The following DOCK8 variants were observed in gnomAD, a reference collection of about 807,000 sequenced individuals.
The protein encoded by DOCK8 is dedicator of cytokinesis protein 8.
In DOCK8, 141 loss-of-function variants were observed where a neutral mutation model predicts 245.6. The ratio of observed to expected loss-of-function variants is 0.57; its 90% CI spans 0.50 to 0.66. DOCK8 has a LOEUF of 0.66. DOCK8 is among the 30% of genes least tolerant of loss of function. The probability of loss-of-function intolerance (pLI) is 0.00; values close to 1 mark genes in which losing one functional copy is unlikely to be tolerated. For synonymous variants in DOCK8, 1,168 were observed against 970.2 expected (o/e 1.20, Z -3.79); for missense variants, 2,965 against 2,603.4 (o/e 1.14, Z -3.02).
intron 1 of DOCK8, among the ~76,000 whole-genome samples, chr9:241,832 T>A (rs1460130863): frequency 2.0e-5 from 3 of 152,204 alleles, no homozygotes; most frequent in Non-Finnish European, 4.4e-5. Context: ...TCAAATTTTT[T>A]ATTTTGTTAA....
At chr9:211,845 T>C (rs932502762), upstream of DOCK8, among the ~76,000 whole-genome samples, 2 of 152,134 alleles carry the variant, frequency 1.3e-5, no homozygotes, top group Admixed American at 1.3e-4. Context: ...ACTGGATGAC[T>C]CCAAAGTTTT....
intron 37 of DOCK8, among the ~76,000 whole-genome samples, chr9:432,745 G>C (rs1199402839): frequency 6.6e-6 from 1 of 152,164 alleles, no homozygotes; most frequent in East Asian, 1.9e-4. Flanking sequence ...AAAAGTGAGG[G>C]GGAAATTGTG....
intron 1 of DOCK8, among the ~76,000 whole-genome samples, chr9:269,915 A>T (rs969310153): frequency 1.3e-5 from 2 of 152,136 alleles, no homozygotes; most frequent in African/African-American, 4.8e-5. Context: ...GCTGGGATAC[A>T]TGGGAGCTCT....
At chr9:290,841 T>A (rs17664531) in intron 4 of DOCK8, among the ~76,000 whole-genome samples, 1 of 152,100 alleles carries the variant, frequency 6.6e-6, no homozygotes, top group African/African-American at 2.4e-5. Flanking sequence ...ACTTTGAGGA[T>A]TGGGTTTTAT....
chr9:241,996 G>T lies in DOCK8; in HGVS notation c.53+26967G>T, dbSNP rs190869636. 1.4e-4 allele frequency among the ~76,000 whole-genome samples: 22 copies of T among 152,294 alleles called. No homozygotes were observed. The East Asian group carries it at 3.7e-3, about 25-fold the overall frequency. On this transcript the variant is annotated intron_variant, in intron 1 of 47. Transcript: ENST00000432829. ...AACTGTTTCTCCACAAAGAAGAGCA[G>T]CTTAAGCCTTCACAGCACATAGTTC...
At chr9:460,222 C>G (rs1276973328) in intron 46 of DOCK8, 2 of 152,192 alleles carry the variant, frequency 1.3e-5, no homozygotes, top group Non-Finnish European at 2.9e-5. Flanking sequence ...CCGCAGTTGT[C>G]TGCATATAAC....
At chr9:376,684 A>G (rs913654921) in intron 19 of DOCK8, among the ~76,000 whole-genome samples, 1 of 152,182 alleles carries the variant, frequency 6.6e-6, no homozygotes, top group African/African-American at 2.4e-5. Flanking sequence ...GCATCTGCTG[A>G]GACCTCTCTC....
chr9:284,459 C>T (rs1463746954), intron 2 of DOCK8: 2 of 152,202 alleles, frequency 1.3e-5, no homozygotes, highest in South Asian at 2.1e-4. Context: ...TCTGTCCCTT[C>T]TCATAGCACC....
At position 277,474 on chromosome 9, in the gene DOCK8, GA is replaced by G. The variant is rs1417458401; in HGVS notation, c.156+5746del. Reference sequence around the variant, plus strand: ...AAGAGAAAGAGAGAAGAGAAGAGAAGAGAAGAGAAGAGAAGACATACAAAAG... The same window carrying G: ...AAGAGAAAGAGAGAAGAGAAGAGAAGGAAGAGAAGAGAAGACATACAAAAG... On this transcript the variant is annotated intron_variant, in intron 2 of 47. Transcript: ENST00000432829. Among the ~76,000 whole-genome samples, 43 of 139,606 alleles carry G rather than the reference GA, an allele frequency of 3.1e-4. 1 individual carries two copies. The highest frequency in any genetic ancestry group is 3.5e-3 in the Middle Eastern group (1 of 284). 91.6% of individuals were successfully genotyped at this position (139,606 alleles called of 152,430 possible).
In DOCK8 at chr9:270,618, C is replaced by T. The variant is rs117080879; in HGVS notation, c.54-1009C>T. On this transcript the variant is annotated intron_variant, in intron 1 of 47. Coordinates refer to ENST00000432829, the MANE Select transcript of DOCK8 (RefSeq NM_203447.4). The stretch of plus-strand genomic sequence containing the variant: ...AAGTATGCCCTAGCACACGTTTTCA[C>T]AGAGAAAACATAATACGCTTCATTT... 3.0e-3 allele frequency among the ~76,000 whole-genome samples: 462 copies of T among 152,304 alleles called. 3 individuals are homozygous for T. The highest frequency in any genetic ancestry group is 0.018 in the East Asian group (92 of 5,192).
intron 2 of DOCK8, among the ~76,000 whole-genome samples, chr9:273,789 CAA>C: frequency 2.6e-5 from 1 of 38,992 alleles, no homozygotes; most frequent in Non-Finnish European, 4.4e-5. Context: ...CTAGTTCAAG[CAA>C]TTCTCCTGTA....
intron 43 of DOCK8, among the ~76,000 whole-genome samples, chr9:444,713 C>T (rs917786492): frequency 3.9e-5 from 6 of 152,190 alleles, no homozygotes; most frequent in Non-Finnish European, 7.4e-5. Context: ...CAGCATGAGT[C>T]ACCTCATTAG....
At chr9:300,689 A>G (rs1455272226) in intron 4 of DOCK8, among the ~76,000 whole-genome samples, 4 of 152,178 alleles carry the variant, frequency 2.6e-5, no homozygotes, top group Non-Finnish European at 5.9e-5. Flanking sequence ...TCAGAAATAT[A>G]AAAAATCCTC....
intron 6 of DOCK8, among the ~76,000 whole-genome samples, chr9:315,144 C>A (rs1005111322): frequency 6.6e-6 from 1 of 152,166 alleles, no homozygotes; most frequent in Admixed American, 6.5e-5. Flanking sequence ...AAGAAAATCA[C>A]AGGTAGGCAA....
intron 2 of DOCK8, among the ~76,000 whole-genome samples, chr9:279,922 CCT>C (rs1161079047): frequency 1.3e-5 from 2 of 152,156 alleles, no homozygotes; most frequent in Non-Finnish European, 2.9e-5. Context: ...AGTCATTTAA[CCT>C]CTCTGTTTTC....
Position 368,008 on chromosome 9 carries a change from T to C in DOCK8, c.1680-10T>C. On this transcript the variant is annotated splice_polypyrimidine_tract_variant and intron_variant, in intron 14 of 47. Coordinates refer to ENST00000432829, the MANE Select transcript of DOCK8 (RefSeq NM_203447.4). ...CCTTTTTCATTGATTCTTTATCTCT[T>C]CTTTTCCAGAAACCTTCTCTATGTC... 3 of 1,602,168 alleles carry C rather than the reference T, an allele frequency of 1.9e-6. No homozygotes were observed. The highest frequency in any genetic ancestry group is 2.6e-6 in the Non-Finnish European group (3 of 1,169,202).
chr9:392,899 G>A lies in DOCK8; in HGVS notation c.2970+2333G>A, dbSNP rs141424867. On this transcript the variant is annotated intron_variant, in intron 24 of 47. Coordinates refer to ENST00000432829, the MANE Select transcript of DOCK8 (RefSeq NM_203447.4). ...ACCCACCATCATGTCTCTCCATAAA[G>A]AAGATTCACTCAGCCTAGCTCTGCA... Among the ~76,000 whole-genome samples the A allele has an allele frequency of 4.7e-3, 711 of 151,810 alleles. 4 individuals are homozygous for A. The highest frequency in any genetic ancestry group is 0.01 in the Middle Eastern group (3 of 294).
chr9:335,648 C>T (rs1212434165), intron 11 of DOCK8, among the ~76,000 whole-genome samples: 1 of 152,062 alleles, frequency 6.6e-6, no homozygotes, highest in African/African-American at 2.4e-5. Flanking sequence ...ATGTATAGAG[C>T]TTAGAGGGCA....
intron 44 of DOCK8, 29 bp downstream of exon 44, chr9:446,635 T>C: frequency 6.2e-7 from 1 of 1,607,598 alleles, no homozygotes; most frequent in Non-Finnish European, 8.5e-7. Context: ...TGGCCACCAC[T>C]GGATGAGTGG....
Sources: allele counts gnomAD v4.1 joint callset (sites outside exome capture counted in the v4.1 genomes callset), GRCh38; gene constraint gnomAD v4.1.1; transcripts MANE v1.5; gene names NCBI Gene and HGNC (gene_info 2026-07-23, HGNC 2026-07-21).